The following BTD variants were observed in gnomAD, a reference collection of about 807,000 sequenced individuals.
BTD encodes biocytinase.
In BTD, 13 loss-of-function variants were observed where a neutral mutation model predicts 17.7. The observed-to-expected ratio is 0.74, with a 90% confidence interval of 0.48 to 1.17. The LOEUF is 1.17. Ranked by LOEUF, BTD falls within the 50% of genes most tolerant of loss-of-function variation. The probability of loss-of-function intolerance (pLI) is 0.00; values close to 1 mark genes in which losing one functional copy is unlikely to be tolerated. For synonymous variants in BTD, 240 were observed against 245.2 expected (o/e 0.98, Z 0.20); for missense variants, 674 against 650.4 (o/e 1.04, Z -0.39).
intron 3 of BTD, among the ~76,000 whole-genome samples, chr3:15,694,064 A>G (rs1171609532): frequency 1.3e-5 from 2 of 152,114 alleles, no homozygotes; most frequent in South Asian, 2.1e-4. Context: ...CCCCTTCCCT[A>G]CAACTCTAAC....
intron 1 of BTD, 74 bp downstream of exon 1, chr3:15,601,968 C>A (rs2125313478): frequency 1.9e-6 from 3 of 1,589,588 alleles, no homozygotes; most frequent in African/African-American, 1.3e-5. Context: ...CCCGGGCGCC[C>A]AGTTGGACTT....
intron 1 of BTD, among the ~76,000 whole-genome samples, chr3:15,602,980 T>G (rs752364763): frequency 4.6e-5 from 7 of 152,178 alleles, no homozygotes; most frequent in Admixed American, 2.0e-4. Flanking sequence ...AGCAAAGGCA[T>G]GTCTTACATG....
intron 1 of BTD, among the ~76,000 whole-genome samples, chr3:15,619,409 C>T (rs991619322): frequency 6.6e-6 from 1 of 152,208 alleles, no homozygotes; most frequent in Non-Finnish European, 1.5e-5. Flanking sequence ...CAGCCTCCAC[C>T]TCCTAGGCCA....
At chr3:15,715,964 A>T (rs2072962064), downstream of BTD, among the ~76,000 whole-genome samples, 3 of 151,384 alleles carry the variant, frequency 2.0e-5, 1 homozygote, top group South Asian at 6.2e-4. Flanking sequence ...TTTTAATGTT[A>T]ATATTTTAGC....
intron 1 of BTD, among the ~76,000 whole-genome samples, chr3:15,613,381 C>A (rs2064692063): frequency 6.6e-6 from 1 of 152,076 alleles, no homozygotes; most frequent in Admixed American, 6.6e-5. Context: ...ATTTCTTTTG[C>A]TGCTTCTATC....
downstream of BTD, chr3:15,714,604 G>A (rs1291354148): frequency 6.3e-7 from 1 of 1,597,542 alleles, no homozygotes; most frequent in African/African-American, 1.4e-5. Flanking sequence ...TTGTGATCGG[G>A]AGAATCTACC....
intron 3 of BTD, among the ~76,000 whole-genome samples, chr3:15,698,283 A>T (rs1414680730): frequency 6.6e-6 from 1 of 152,202 alleles, no homozygotes; most frequent in East Asian, 1.9e-4. Context: ...AGCCAATATC[A>T]TACTGAATGG....
intron 3 of BTD, among the ~76,000 whole-genome samples, chr3:15,661,099 C>G (rs2065916932): frequency 6.6e-6 from 1 of 151,652 alleles, no homozygotes; most frequent in South Asian, 2.1e-4. Flanking sequence ...AACCCCGTCT[C>G]TACTAAAAAT....
chr3:15,666,627 T>C (rs2065997924), intron 3 of BTD, among the ~76,000 whole-genome samples: 1 of 152,240 alleles, frequency 6.6e-6, no homozygotes, highest in Admixed American at 6.5e-5. Flanking sequence ...TTATATCTAC[T>C]TGTTCTCACT....
At chr3:15,658,491 T>C (rs946282954), downstream of BTD, among the ~76,000 whole-genome samples, 3 of 152,024 alleles carry the variant, frequency 2.0e-5, no homozygotes, top group South Asian at 4.2e-4. Context: ...CCTTTGTACA[T>C]GTAGCCCACT....
intron 1 of BTD, among the ~76,000 whole-genome samples, chr3:15,634,695 G>T (rs780508368): frequency 5.9e-5 from 9 of 152,162 alleles, no homozygotes; most frequent in Non-Finnish European, 1.0e-4. Context: ...AAGAGTTTTG[G>T]AGTCACAGAG....
In BTD at chr3:15,601,793, C is replaced by T. The variant is rs771671620; in HGVS notation, c.-118C>T. The T allele has an allele frequency of 7.4e-6, 12 of 1,613,884 alleles. No homozygotes were observed. The highest frequency in any genetic ancestry group is 2.2e-5 in the East Asian group (1 of 44,876). On this transcript the variant is annotated 5_prime_UTR_variant, in exon 1 of 4. Coordinates refer to ENST00000643237, the MANE Select transcript of BTD (RefSeq NM_001370658.1). The stretch of plus-strand genomic sequence containing the variant: ...CAGGTAAGAAGCCGAACTCTGAGGC[C>T]TCTCGCCATTGTCTCCGAGTCGGCC...
chr3:15,648,883 C>T lies in BTD; in HGVS notation c.*3395C>T, dbSNP rs1417352489. 1.3e-5 allele frequency among the ~76,000 whole-genome samples: 2 copies of T among 152,172 alleles called. No individual in the cohort carries two copies. Among genetic ancestry groups the T allele is most frequent in the Non-Finnish European group, 2.9e-5 (2 of 68,034 alleles). On this transcript the variant is annotated 3_prime_UTR_variant, in exon 4 of 4. Transcript: ENST00000643237. ...ACCATGTGACAACAGGGGCAGAGAT[C>T]ACAGGGATGCCTCTACTAGACAAGG...
At chr3:15,670,675 A>AT (rs2125575434) in intron 3 of BTD, 1 of 1,046,334 alleles carries the variant, frequency 9.6e-7, no homozygotes, top group Non-Finnish European at 1.4e-6. Flanking sequence ...AGCTTATAAT[A>AT]AATTGCTGTA....
intron 1 of BTD, among the ~76,000 whole-genome samples, chr3:15,625,520 C>T (rs1254338378): frequency 6.6e-6 from 1 of 152,120 alleles, no homozygotes; most frequent in Non-Finnish European, 1.5e-5. Context: ...CTGGGTCCCT[C>T]TGGAGTTGTT....
chr3:15,612,150 A>G (rs2064655478), intron 1 of BTD, among the ~76,000 whole-genome samples: 1 of 152,048 alleles, frequency 6.6e-6, no homozygotes. Flanking sequence ...CAATTTCTAC[A>G]TTGCCAGAGT....
intron 1 of BTD, among the ~76,000 whole-genome samples, chr3:15,615,817 A>C (rs10212184): frequency 0.036 from 5,537 of 152,208 alleles, 276 homozygotes; most frequent in African/African-American, 0.11. Flanking sequence ...CTCCCTTAAC[A>C]CTTGGCAACC....
chr3:15,690,778 G>C (rs556076817), intron 3 of BTD, among the ~76,000 whole-genome samples: 1 of 151,954 alleles, frequency 6.6e-6, no homozygotes, highest in East Asian at 1.9e-4. Context: ...TATGCTATCC[G>C]GGCTGGTCTC....
At chr3:15,685,968 G>C (rs750867690) in intron 3 of BTD, 4 of 1,557,356 alleles carry the variant, frequency 2.6e-6, no homozygotes, top group South Asian at 2.3e-5. Context: ...GGTCATAAAA[G>C]CTTTTTGAAA....
Sources: gnomAD v4.1 joint callset for allele counts (sites outside exome capture counted in the v4.1 genomes callset) on GRCh38, gnomAD v4.1.1 for gene constraint, MANE v1.5 for transcripts, NCBI Gene and HGNC (gene_info 2026-07-23, HGNC 2026-07-21) for gene names.